MACROD2: variants seen among roughly 807,000 people sequenced by gnomAD.
MACROD2 encodes ADP-ribose glycohydrolase MACROD2.
In MACROD2, 36 loss-of-function variants were observed where a neutral mutation model predicts 70.4. The observed-to-expected ratio is 0.51, with a 90% CI of 0.39 to 0.68. MACROD2 has a LOEUF of 0.68. Among genes scored for constraint, MACROD2 ranks in the 30% least tolerant of loss-of-function variants. The pLI is 0.00. For missense variants in MACROD2, 496 were observed against 538.4 expected (o/e 0.92, Z 0.78); for synonymous variants, 172 against 178.8 (o/e 0.96, Z 0.30).
At chr20:15,175,285 G>A (rs1434822164) in intron 5 of MACROD2, among the ~76,000 whole-genome samples, 1 of 122,428 alleles carries the variant, frequency 8.2e-6, no homozygotes, top group Non-Finnish European at 1.7e-5. Context: ...TTGTGGGGTG[G>A]GGGGAGGGGG....
At chr20:15,124,583 A>G (rs1181375778) in intron 5 of MACROD2, among the ~76,000 whole-genome samples, 1 of 152,050 alleles carries the variant, frequency 6.6e-6, no homozygotes, top group Non-Finnish European at 1.5e-5. Flanking sequence ...ATAGCTCCCT[A>G]ATTACTACAG....
At chr20:14,174,236 G>T (rs1056284345) in intron 3 of MACROD2, among the ~76,000 whole-genome samples, 1 of 152,204 alleles carries the variant, frequency 6.6e-6, no homozygotes, top group African/African-American at 2.4e-5. Context: ...GTTCCCAAGG[G>T]ATTATGTCCT....
intron 3 of MACROD2, among the ~76,000 whole-genome samples, chr20:14,266,099 T>A (rs2082142424): frequency 6.6e-6 from 1 of 152,182 alleles, no homozygotes; most frequent in African/African-American, 2.4e-5. Flanking sequence ...TTATTGCAAC[T>A]TCATTTTTCT....
chr20:14,372,180 A>G (rs927549066), intron 3 of MACROD2, among the ~76,000 whole-genome samples: 1 of 152,188 alleles, frequency 6.6e-6, no homozygotes, highest in Non-Finnish European at 1.5e-5. Context: ...ACTCGGAAGT[A>G]CTACATCATG....
chr20:15,096,759 G>A (rs935423897), intron 5 of MACROD2, among the ~76,000 whole-genome samples: 3 of 149,890 alleles, frequency 2.0e-5, no homozygotes, highest in Non-Finnish European at 2.9e-5. Flanking sequence ...TAATCCGCCT[G>A]CCTCGGCCTC....
intron 8 of MACROD2, among the ~76,000 whole-genome samples, chr20:15,630,329 A>G (rs1473895862): frequency 1.3e-5 from 2 of 152,326 alleles, no homozygotes; most frequent in East Asian, 3.9e-4. Flanking sequence ...CTGGTAGTTT[A>G]ACTTTCCTTG....
intron 4 of MACROD2, among the ~76,000 whole-genome samples, chr20:14,518,968 A>G (rs1263843705): frequency 2.0e-5 from 3 of 152,180 alleles, no homozygotes; most frequent in Non-Finnish European, 4.4e-5. Context: ...AAGAACTGAA[A>G]ATTGCATATA....
intron 7 of MACROD2, among the ~76,000 whole-genome samples, chr20:15,474,641 C>T (rs1031415666): frequency 6.6e-6 from 1 of 152,144 alleles, no homozygotes; most frequent in Non-Finnish European, 1.5e-5. Context: ...TACACAGTAA[C>T]TTCATACAAA....
intron 3 of MACROD2, among the ~76,000 whole-genome samples, chr20:14,120,393 G>C (rs1380992609): frequency 6.6e-6 from 1 of 152,064 alleles, no homozygotes; most frequent in East Asian, 1.9e-4. Context: ...CAAGGCTGTG[G>C]AGAGATAGGA....
intron 6 of MACROD2, among the ~76,000 whole-genome samples, chr20:15,410,624 A>G (rs1422516084): frequency 6.6e-6 from 1 of 151,694 alleles, no homozygotes; most frequent in African/African-American, 2.4e-5. Flanking sequence ...TCTATGTTGC[A>G]ATACAAGCAA....
At chr20:15,674,239 G>A (rs910570331) in intron 8 of MACROD2, among the ~76,000 whole-genome samples, 7 of 152,240 alleles carry the variant, frequency 4.6e-5, no homozygotes, top group African/African-American at 9.6e-5. Context: ...AAGGGAGAAC[G>A]GAAGGGGAAG....
At chr20:15,179,234 A>G (rs1232812602) in intron 5 of MACROD2, among the ~76,000 whole-genome samples, 1 of 152,174 alleles carries the variant, frequency 6.6e-6, no homozygotes, top group Non-Finnish European at 1.5e-5. Flanking sequence ...AAGTTATCAA[A>G]TGGTACTTAA....
chr20:15,120,257 G>A (rs1395478925), intron 5 of MACROD2, among the ~76,000 whole-genome samples: 1 of 47,776 alleles, frequency 2.1e-5, no homozygotes, highest in Non-Finnish European at 4.0e-5. Flanking sequence ...TATTTTTAAG[G>A]GGGAGTGTGT....
chr20:15,411,241 T>G (rs971882754), intron 6 of MACROD2, among the ~76,000 whole-genome samples: 13 of 151,940 alleles, frequency 8.6e-5, no homozygotes, highest in Admixed American at 2.6e-4. Context: ...TTAGAAATCA[T>G]GATTTACCTT....
intron 4 of MACROD2, among the ~76,000 whole-genome samples, chr20:14,533,270 C>G (rs1014474824): frequency 6.6e-6 from 1 of 152,212 alleles, no homozygotes; most frequent in Non-Finnish European, 1.5e-5. Context: ...AAAGTCAACA[C>G]CTGCTGCTCG....
intron 4 of MACROD2, among the ~76,000 whole-genome samples, chr20:14,578,765 G>A (rs555379917): frequency 1.3e-5 from 2 of 152,112 alleles, no homozygotes; most frequent in Non-Finnish European, 2.9e-5. Context: ...AGCTGATATC[G>A]GGGAAGGTAA....
chr20:14,311,550 C>G (rs555533289), intron 3 of MACROD2, among the ~76,000 whole-genome samples: 32 of 152,234 alleles, frequency 2.1e-4, no homozygotes, highest in African/African-American at 7.5e-4. Context: ...ACTGAGTTCA[C>G]TCCGTCACCC....
At chr20:14,393,361 C>G (rs1264292601) in intron 3 of MACROD2, among the ~76,000 whole-genome samples, 1 of 152,142 alleles carries the variant, frequency 6.6e-6, no homozygotes, top group Non-Finnish European at 1.5e-5. Context: ...TGATCTAACT[C>G]CATTTCATTT....
chr20:15,358,811 CT>C (rs11471817), intron 6 of MACROD2, among the ~76,000 whole-genome samples: 81 of 146,730 alleles, frequency 5.5e-4, no homozygotes, highest in Admixed American at 6.1e-4. Context: ...GCTCTTGTTC[CT>C]TTTTTTTTTT....
Sources: gnomAD v4.1 joint callset for allele counts (sites outside exome capture counted in the v4.1 genomes callset) on GRCh38, gnomAD v4.1.1 for gene constraint, MANE v1.5 for transcripts, NCBI Gene and HGNC (gene_info 2026-07-23, HGNC 2026-07-21) for gene names.